Variants in USH2A observed in about 807,000 individuals in gnomAD.
USH2A encodes the protein usherin.
USH2A carries 443 observed loss-of-function variants against 538.9 expected under a neutral mutation model. The observed-to-expected ratio is 0.82, with a 90% CI of 0.76 to 0.89. The LOEUF (loss-of-function observed/expected upper bound fraction) is 0.89, where lower values mean the gene tolerates loss of function less well. Among genes scored for constraint, USH2A ranks in the 40% least tolerant of loss-of-function variants. The pLI is 0.00. For synonymous variants in USH2A, 2,413 were observed against 2,273.5 expected, an observed-to-expected ratio of 1.06 and a Z score of -1.75; for missense variants, 6,633 against 6,324.8, an observed-to-expected ratio of 1.05 and a Z score of -1.65.
intron 61 of USH2A, among the ~76,000 whole-genome samples, chr1:215,683,255 GC>G (rs1658302819): frequency 1.4e-5 from 2 of 147,306 alleles, no homozygotes; most frequent in Non-Finnish European, 3.0e-5. Context: ...ACACACACAC[GC>G]ACACACACAC....
intron 49 of USH2A, among the ~76,000 whole-genome samples, chr1:215,805,217 T>C (rs982752787): frequency 6.6e-6 from 1 of 151,950 alleles, no homozygotes; most frequent in Non-Finnish European, 1.5e-5. Context: ...CATACCAACA[T>C]GGCACATGTA....
chr1:216,085,876 A>G (rs1027885486), intron 24 of USH2A, among the ~76,000 whole-genome samples: 1 of 152,086 alleles, frequency 6.6e-6, no homozygotes, highest in African/African-American at 2.4e-5. Context: ...CCTAAATTTG[A>G]TGAACACTTT....
intron 21 of USH2A, among the ~76,000 whole-genome samples, chr1:216,155,171 A>G (rs1343804029): frequency 6.6e-6 from 1 of 152,132 alleles, no homozygotes; most frequent in Non-Finnish European, 1.5e-5. Flanking sequence ...GTTTAACTTG[A>G]AAGCAAAGAT....
intron 62 of USH2A, among the ~76,000 whole-genome samples, chr1:215,678,472 G>A (rs1405367944): frequency 6.6e-6 from 1 of 152,098 alleles, no homozygotes; most frequent in East Asian, 1.9e-4. Context: ...GGAACATTTT[G>A]CCCCCATATC....
chr1:216,175,396 C>G lies in USH2A; in HGVS notation c.4483G>C (p.Gly1495Arg). 11 of 1,613,684 alleles carry G rather than the reference C, an allele frequency of 6.8e-6. No individual in the cohort carries two copies. The highest frequency in any genetic ancestry group is 8.5e-6 in the Non-Finnish European group (10 of 1,179,850). The change falls in exon 21 of 72, where the codon GGA becomes CGA. Residue 1495 changes from glycine to arginine, a missense_variant. Physicochemically the swap from Gly to Arg is moderately radical, Grantham distance 125 (BLOSUM62 -2). Coordinates refer to ENST00000307340, the MANE Select transcript of USH2A (RefSeq NM_206933.4). ...TCCAGCTGATATATAGGAGAGGGTC[C>G]ATTCAGTTCTTCAGGTGGAAACCAC... is the stretch of plus-strand genomic sequence containing the variant. ...LRWFPPEELN[G>R]PSPIYQLERR...
At chr1:215,642,831 CCCT>C (rs1656731524) in intron 67 of USH2A, among the ~76,000 whole-genome samples, 1 of 152,064 alleles carries the variant, frequency 6.6e-6, no homozygotes, top group Admixed American at 6.6e-5. Flanking sequence ...GGCCATTTTT[CCCT>C]CAAGCAGGCC....
At chr1:216,153,025 G>T (rs531736048) in intron 21 of USH2A, among the ~76,000 whole-genome samples, 105 of 152,264 alleles carry the variant, frequency 6.9e-4, no homozygotes, top group African/African-American at 2.5e-3. Flanking sequence ...TCAGAGAGGA[G>T]ATTGGCCGCC....
At chr1:215,930,660 A>T (rs950118250) in intron 38 of USH2A, among the ~76,000 whole-genome samples, 1 of 152,008 alleles carries the variant, frequency 6.6e-6, no homozygotes, top group East Asian at 1.9e-4. Flanking sequence ...TTGACTGATA[A>T]AAGAGCCAAT....
intron 30 of USH2A, among the ~76,000 whole-genome samples, chr1:216,065,075 TA>T (rs2031306967): frequency 6.6e-6 from 1 of 152,178 alleles, no homozygotes; most frequent in South Asian, 2.1e-4. Context: ...ATTTGATATA[TA>T]AAAATAAATA....
intron 19 of USH2A, among the ~76,000 whole-genome samples, chr1:216,192,543 A>T: frequency 6.7e-6 from 1 of 149,924 alleles, no homozygotes; most frequent in South Asian, 2.1e-4. Flanking sequence ...AATAAAAATT[A>T]AAAAAAAAAT....
At chr1:215,941,230 A>C (rs917476256) in intron 37 of USH2A, among the ~76,000 whole-genome samples, 1 of 152,084 alleles carries the variant, frequency 6.6e-6, no homozygotes, top group Admixed American at 6.6e-5. Flanking sequence ...AAAATGAAAG[A>C]TATATGTATA....
chr1:215,952,164 T>G (rs538067015), intron 37 of USH2A, among the ~76,000 whole-genome samples: 30 of 152,216 alleles, frequency 2.0e-4, no homozygotes, highest in Middle Eastern at 3.4e-3. Context: ...GCGCCCGGCC[T>G]GGTTTAAAGT....
chr1:215,841,197 T>G (rs1292571541), intron 46 of USH2A, among the ~76,000 whole-genome samples: 1 of 152,124 alleles, frequency 6.6e-6, no homozygotes, highest in Non-Finnish European at 1.5e-5. Context: ...AAAACTACTT[T>G]AAAGTTCATA....
intron 44 of USH2A, among the ~76,000 whole-genome samples, chr1:215,854,540 C>T (rs1664104325): frequency 6.6e-6 from 1 of 152,140 alleles, no homozygotes; most frequent in African/African-American, 2.4e-5. Flanking sequence ...AGGATGCAGG[C>T]ACACAGTAAG....
At chr1:216,155,527 C>T (rs1383373096) in intron 21 of USH2A, among the ~76,000 whole-genome samples, 2 of 152,142 alleles carry the variant, frequency 1.3e-5, no homozygotes, top group Non-Finnish European at 2.9e-5. Context: ...TACAGGAGGA[C>T]CATTTTCCAT....
intron 32 of USH2A, among the ~76,000 whole-genome samples, chr1:216,032,904 C>T (rs1341873230): frequency 3.3e-5 from 5 of 152,134 alleles, no homozygotes; most frequent in Admixed American, 3.3e-4. Context: ...CAGATGAGAG[C>T]CCAAACTGCC....
chr1:215,738,310 A>G (rs994249529), intron 60 of USH2A, among the ~76,000 whole-genome samples: 1 of 152,162 alleles, frequency 6.6e-6, no homozygotes, highest in Non-Finnish European at 1.5e-5. Context: ...AACAGGTTGC[A>G]AAACACTAAC....
intron 40 of USH2A, among the ~76,000 whole-genome samples, chr1:215,896,691 G>C (rs144858119): frequency 1.1e-3 from 175 of 152,200 alleles, no homozygotes; most frequent in African/African-American, 3.9e-3. Flanking sequence ...AATCAGGAGT[G>C]ATGGTTATCT....
At chr1:216,049,084 G>A (rs1424937376) in intron 30 of USH2A, among the ~76,000 whole-genome samples, 1 of 152,034 alleles carries the variant, frequency 6.6e-6, no homozygotes, top group Non-Finnish European at 1.5e-5. Context: ...TTTTTATAGG[G>A]CACCTATTAA....
Sources: allele counts gnomAD v4.1 joint callset (sites outside exome capture counted in the v4.1 genomes callset), GRCh38; gene constraint gnomAD v4.1.1; transcripts MANE v1.5; gene names NCBI Gene and HGNC (gene_info 2026-07-23, HGNC 2026-07-21).